SDR42E2: variants seen among roughly 807,000 people sequenced by gnomAD.
SDR42E2 encodes the protein short chain dehydrogenase/reductase family 42E, member 2, also known as putative short-chain dehydrogenase/reductase family 42E member 2.
In SDR42E2, 20 loss-of-function variants were observed where a neutral mutation model predicts 10.5. The ratio of observed to expected loss-of-function variants is 1.90; its 90% CI spans 1.34 to 2.77. The LOEUF is 2.77. SDR42E2 is among the 30% of genes most tolerant of loss of function. The probability of loss-of-function intolerance (pLI) is 0.00; values close to 1 mark genes in which losing one functional copy is unlikely to be tolerated. For missense variants in SDR42E2, 162 were observed against 104.2 expected, an observed-to-expected ratio of 1.55 and a Z score of -2.42; for synonymous variants, 72 against 39.2, an observed-to-expected ratio of 1.84 and a Z score of -3.12.
intron 5 of SDR42E2, among the ~76,000 whole-genome samples, chr16:22,170,087 G>GC (rs1393527089): frequency 6.6e-6 from 1 of 151,652 alleles, no homozygotes; most frequent in Non-Finnish European, 1.5e-5. Context: ...GGGCGAGGTG[G>GC]CTCACGCCTG....
chr16:22,180,097 T>C (rs927399870), intron 8 of SDR42E2, among the ~76,000 whole-genome samples: 10 of 151,788 alleles, frequency 6.6e-5, no homozygotes, highest in African/African-American at 2.4e-4. Context: ...GGGGGTTTGG[T>C]AGGAGATGAA....
chr16:22,180,982 G>A (rs772098680), intron 8 of SDR42E2, among the ~76,000 whole-genome samples: 1 of 152,150 alleles, frequency 6.6e-6, no homozygotes, highest in Non-Finnish European at 1.5e-5. Context: ...CTCCAATCTG[G>A]ATAACAGAGC....
chr16:22,175,733 C>G (rs925094080), intron 7 of SDR42E2, among the ~76,000 whole-genome samples: 1 of 152,150 alleles, frequency 6.6e-6, no homozygotes, highest in South Asian at 2.1e-4. Flanking sequence ...TGGCTTACGC[C>G]TGTAATCCCA....
chr16:22,183,711 G>A lies in SDR42E2; in HGVS notation c.877-470G>A, dbSNP rs1464822777. 2.6e-5 allele frequency among the ~76,000 whole-genome samples: 4 copies of A among 152,246 alleles called. No homozygotes were observed. The South Asian group carries it at 6.2e-4, about 24-fold the overall frequency. On this transcript the variant is annotated intron_variant, in intron 10 of 12. Coordinates refer to ENST00000602312, the MANE Select transcript of SDR42E2 (RefSeq NM_001394319.2). ...ACCCTCCACAGAAAAGTCAATTCTGGAAAAATCAGATTCTACATAAATGCC... is the reference window on the plus strand; with the variant it reads ...ACCCTCCACAGAAAAGTCAATTCTGAAAAAATCAGATTCTACATAAATGCC...
chr16:22,171,232 TTTTTC>T (rs769533201), intron 6 of SDR42E2, among the ~76,000 whole-genome samples: 2 of 152,112 alleles, frequency 1.3e-5, no homozygotes, highest in Non-Finnish European at 2.9e-5. Context: ...AGCCTGTTTT[TTTTTC>T]TTTTCTTTTC....
intron 5 of SDR42E2, among the ~76,000 whole-genome samples, chr16:22,170,603 C>G (rs954968215): frequency 6.6e-6 from 1 of 152,124 alleles, no homozygotes; most frequent in Admixed American, 6.6e-5. Context: ...CAGGGGCCCA[C>G]AGAGCAGGAA....
chr16:22,177,716 T>A (rs1036840730), intron 7 of SDR42E2, among the ~76,000 whole-genome samples: 2 of 152,096 alleles, frequency 1.3e-5, no homozygotes, highest in African/African-American at 4.8e-5. Context: ...GGCATGTGCA[T>A]CTATGTGCAT....
intron 12 of SDR42E2, among the ~76,000 whole-genome samples, chr16:22,188,751 T>C (rs1482203003): frequency 6.6e-6 from 1 of 152,178 alleles, no homozygotes; most frequent in African/African-American, 2.4e-5. Flanking sequence ...GTTCCTTGGC[T>C]GTGGCTCGGG....
In SDR42E2 at chr16:22,189,993, G is replaced by C. The variant is rs1473424726; in HGVS notation, c.1015-146G>C. On this transcript the variant is annotated intron_variant, in intron 12 of 12. Transcript: ENST00000602312. The stretch of plus-strand genomic sequence containing the variant: ...CCTCTCTAATGAGGGCATCGCAGGA[G>C]CAAGACGCTGCACTCGGGTCCTTTT... 21 of 399,208 alleles carry C rather than the reference G, an allele frequency of 5.3e-5. 1 individual carries two copies. Among genetic ancestry groups the C allele is most frequent in the African/African-American group, 2.1e-5 (1 of 48,688 alleles). 24.7% of individuals were successfully genotyped at this position (399,208 alleles called of 1,614,324 possible). A position where few individuals can be genotyped will look rare whatever the true frequency, so the allele number is the denominator to read the frequency against.
chr16:22,171,876 G>A (rs2046604672), intron 6 of SDR42E2, among the ~76,000 whole-genome samples: 1 of 152,184 alleles, frequency 6.6e-6, no homozygotes, highest in African/African-American at 2.4e-5. Context: ...TATCACCATG[G>A]GGTTGTGCAG....
intron 6 of SDR42E2, among the ~76,000 whole-genome samples, chr16:22,171,785 G>A (rs1226604429): frequency 6.6e-6 from 1 of 152,112 alleles, no homozygotes; most frequent in Non-Finnish European, 1.5e-5. Context: ...TCCCTCCTGC[G>A]GCTGTCAAAG....
chr16:22,183,966 A>G (rs1013001690), intron 10 of SDR42E2, among the ~76,000 whole-genome samples: 2 of 151,524 alleles, frequency 1.3e-5, no homozygotes, highest in African/African-American at 4.9e-5. Flanking sequence ...TAACTAACCC[A>G]TGCTTTCAAT....
chr16:22,186,974 C>A (rs987330764), intron 12 of SDR42E2, among the ~76,000 whole-genome samples, 180 bp downstream of exon 12: 1 of 152,210 alleles, frequency 6.6e-6, no homozygotes, highest in Non-Finnish European at 1.5e-5. Flanking sequence ...GTTATGATCA[C>A]CCCAACCTCT....
At chr16:22,168,356 C>T (rs2142061348) in intron 4 of SDR42E2, among the ~76,000 whole-genome samples, 1 of 152,186 alleles carries the variant, frequency 6.6e-6, no homozygotes, top group South Asian at 2.1e-4. Context: ...GCCTCCACCT[C>T]CCAGGCTCAA....
In SDR42E2 at chr16:22,181,433, T is replaced by C; in HGVS notation, c.673-86T>C. 5.8e-6 allele frequency: 4 copies of C among 694,680 alleles called. No homozygotes were observed. The South Asian group carries it at 6.1e-5, about 11-fold the overall frequency. 43.0% of individuals were successfully genotyped at this position (694,680 alleles called of 1,614,324 possible). ...GGAGCAGAGGGGCCTGACCTGGAGC[T>C]AGAACCTGGGGAGTCATCAGCATCT... On this transcript the variant is annotated intron_variant, in intron 8 of 12. Coordinates refer to ENST00000602312, the MANE Select transcript of SDR42E2 (RefSeq NM_001394319.2).
At chr16:22,186,433 C>T (rs1484459749) in intron 11 of SDR42E2, among the ~76,000 whole-genome samples, 1 of 152,186 alleles carries the variant, frequency 6.6e-6, no homozygotes, top group Non-Finnish European at 1.5e-5. Context: ...TCTCGAACTC[C>T]TGATCTCAGG....
intron 7 of SDR42E2, among the ~76,000 whole-genome samples, chr16:22,176,657 A>G (rs1361253493): frequency 6.6e-6 from 1 of 152,238 alleles, no homozygotes; most frequent in Non-Finnish European, 1.5e-5. Flanking sequence ...TCCTGGGCTC[A>G]AGCAATCCTC....
intron 10 of SDR42E2, among the ~76,000 whole-genome samples, chr16:22,183,287 A>G (rs2046711214): frequency 6.6e-6 from 1 of 152,008 alleles, no homozygotes; most frequent in African/African-American, 2.4e-5. Flanking sequence ...CTGCTCGGCT[A>G]ATTTTTTGTA....
rs2046768589 is a variant in SDR42E2 at position 22,190,669 on chromosome 16, C to T, written c.*276C>T. The T allele has an allele frequency of 2.8e-6, 1 of 359,012 alleles. No individual in the cohort carries two copies. The highest frequency in any genetic ancestry group is 4.9e-6 in the Non-Finnish European group (1 of 203,146). The allele number at this position is 359,012 out of a possible 1,614,324, so 22.2% of individuals were successfully genotyped here. A position where few individuals can be genotyped will look rare whatever the true frequency, so the allele number is the denominator to read the frequency against. ...GTCCCGCCCCGCCCTCCGAAGTGGG[C>T]ACGCTCCTGCTCCGCCCCCTGAATC... On this transcript the variant is annotated 3_prime_UTR_variant, in exon 13 of 13. Transcript: ENST00000602312.
Sources: gnomAD v4.1 joint callset for allele counts (sites outside exome capture counted in the v4.1 genomes callset) on GRCh38, gnomAD v4.1.1 for gene constraint, MANE v1.5 for transcripts, NCBI Gene and HGNC (gene_info 2026-07-23, HGNC 2026-07-21) for gene names.